Variants in GNA14 observed in about 807,000 individuals in gnomAD.
The protein encoded by GNA14 is G protein subunit alpha 14, also known as guanine nucleotide-binding protein subunit alpha-14.
Under a neutral mutation model 42.0 loss-of-function variants are expected in GNA14, and 50 were observed. The ratio of observed to expected loss-of-function variants is 1.19; its 90% confidence interval spans 0.95 to 1.51. The LOEUF is 1.51. Among genes scored for constraint, GNA14 ranks in the 40% most tolerant of loss-of-function variants. The pLI is 0.00. For synonymous variants in GNA14, 173 were observed against 163.1 expected (o/e 1.06, Z -0.46); for missense variants, 473 against 446.2 (o/e 1.06, Z -0.54).
At chr9:77,505,147 T>C (rs1837048187) in intron 2 of GNA14, among the ~76,000 whole-genome samples, 1 of 152,204 alleles carries the variant, frequency 6.6e-6, no homozygotes, top group African/African-American at 2.4e-5. Flanking sequence ...GGATACAGTT[T>C]AGTGGACAGA....
intron 1 of GNA14, among the ~76,000 whole-genome samples, chr9:77,532,003 T>A (rs533599280): frequency 7.9e-5 from 12 of 151,902 alleles, no homozygotes; most frequent in Non-Finnish European, 1.8e-4. Context: ...GAGGGCAGAG[T>A]AAAGGCAAAG....
intron 2 of GNA14, among the ~76,000 whole-genome samples, chr9:77,484,001 C>G (rs369290602): frequency 1.3e-5 from 2 of 152,302 alleles, no homozygotes; most frequent in African/African-American, 4.8e-5. Flanking sequence ...AGTCTAAGGG[C>G]AGAATAAGAC....
intron 3 of GNA14, 144 bp downstream of exon 3, chr9:77,434,224 G>A (rs1835604296): frequency 4.2e-6 from 3 of 706,686 alleles, no homozygotes; most frequent in Non-Finnish European, 7.1e-6. Flanking sequence ...GCACTAAGAG[G>A]TCAGGAGGGA....
At chr9:77,477,886 A>AC (rs564028726) in intron 2 of GNA14, among the ~76,000 whole-genome samples, 171 of 152,300 alleles carry the variant, frequency 1.1e-3, no homozygotes, top group African/African-American at 3.8e-3. Context: ...AAATTCCTTC[A>AC]ACAGAATAAA....
At chr9:77,550,646 A>T (rs1837776483) in intron 1 of GNA14, among the ~76,000 whole-genome samples, 1 of 152,240 alleles carries the variant, frequency 6.6e-6, no homozygotes, top group Non-Finnish European at 1.5e-5. Context: ...ACTAATTAAA[A>T]GTACATTTAA....
chr9:77,577,654 T>G (rs1361341965), intron 1 of GNA14, among the ~76,000 whole-genome samples: 2 of 152,186 alleles, frequency 1.3e-5, no homozygotes, highest in Admixed American at 1.3e-4. Flanking sequence ...ACTTCTGATA[T>G]TCCCCATCTG....
At position 77,647,703 on chromosome 9, in the gene GNA14, C is replaced by T; in HGVS notation, c.91G>A (p.Asp31Asn). The change falls in exon 1 of 7, where the codon GAC becomes AAC. Residue 31 changes from aspartate to asparagine, a missense_variant. By Grantham distance (23) the Asp-to-Asn change is conservative. Transcript: ENST00000341700. ...IERQLRRDKKDARRELKLLLL... is the reference protein window; with the variant it reads ...IERQLRRDKKNARRELKLLLL... ...AGCAGCTTAAGCTCACGGCGCGCGT[C>T]CTTCTTGTCCCGACGAAGCTGTCGC... 1 of 1,610,328 alleles carries T rather than the reference C, an allele frequency of 6.2e-7. No homozygotes were observed. Among genetic ancestry groups the T allele is most frequent in the Non-Finnish European group, 8.5e-7 (1 of 1,178,654 alleles).
intron 2 of GNA14, among the ~76,000 whole-genome samples, chr9:77,483,478 C>T (rs539507221): frequency 1.1e-3 from 165 of 152,190 alleles, no homozygotes; most frequent in African/African-American, 3.9e-3. Flanking sequence ...TCAGTCTGCC[C>T]GTAATAGGGG....
chr9:77,457,912 C>T (rs1339917244), intron 2 of GNA14, among the ~76,000 whole-genome samples: 1 of 151,004 alleles, frequency 6.6e-6, no homozygotes. Context: ...CTTGGTGTTT[C>T]ACTTTTTCCA....
chr9:77,618,735 G>A (rs1179523230), intron 1 of GNA14, among the ~76,000 whole-genome samples: 30 of 133,860 alleles, frequency 2.2e-4, no homozygotes, highest in African/African-American at 8.1e-4. Context: ...CCGGGTTCAC[G>A]CCATTCTCCT....
At chr9:77,597,348 G>A (rs1486378061) in intron 1 of GNA14, among the ~76,000 whole-genome samples, 1 of 152,084 alleles carries the variant, frequency 6.6e-6, no homozygotes, top group Non-Finnish European at 1.5e-5. Context: ...CTCATAGCCT[G>A]AGTCTCTGGA....
chr9:77,456,285 C>T (rs1199468187), intron 2 of GNA14: 1 of 152,214 alleles, frequency 6.6e-6, no homozygotes, highest in Non-Finnish European at 1.5e-5. Flanking sequence ...AATACATTTA[C>T]ATTTTAAAGG....
At chr9:77,425,369 A>G (rs889962981) in intron 6 of GNA14, among the ~76,000 whole-genome samples, 193 bp downstream of exon 6, 2 of 152,138 alleles carry the variant, frequency 1.3e-5, no homozygotes, top group Non-Finnish European at 2.9e-5. Flanking sequence ...CACTGAGGGA[A>G]GCACATGTGG....
At chr9:77,545,978 G>A (rs530948493) in intron 1 of GNA14, among the ~76,000 whole-genome samples, 5 of 152,130 alleles carry the variant, frequency 3.3e-5, no homozygotes, top group African/African-American at 1.2e-4. Flanking sequence ...CACTTCAGGA[G>A]GCCGAGGCAG....
intron 2 of GNA14, among the ~76,000 whole-genome samples, chr9:77,468,958 C>G (rs547528356): frequency 6.6e-6 from 1 of 152,336 alleles, no homozygotes; most frequent in South Asian, 2.1e-4. Context: ...TCAACACATG[C>G]AGCACATTTT....
chr9:77,636,557 A>T (rs1587856607), intron 1 of GNA14, among the ~76,000 whole-genome samples: 1 of 152,168 alleles, frequency 6.6e-6, no homozygotes, highest in East Asian at 1.9e-4. Context: ...AAAACTAGGC[A>T]TCTGCATCTG....
intron 1 of GNA14, among the ~76,000 whole-genome samples, chr9:77,646,817 T>C (rs1824360543): frequency 6.6e-6 from 1 of 152,256 alleles, no homozygotes. Flanking sequence ...CCTTGCCTCA[T>C]GGCATAACTT....
intron 1 of GNA14, among the ~76,000 whole-genome samples, chr9:77,633,533 A>C (rs1380753771): frequency 1.3e-5 from 2 of 152,154 alleles, no homozygotes; most frequent in Admixed American, 1.3e-4. Context: ...GAAAAACAAC[A>C]ATCCAATTTA....
At chr9:77,525,474 C>A (rs1050522360) in intron 2 of GNA14, among the ~76,000 whole-genome samples, 1 of 151,756 alleles carries the variant, frequency 6.6e-6, no homozygotes, top group Non-Finnish European at 1.5e-5. Flanking sequence ...ACGGGAGGTA[C>A]AATGGACTTG....
Sources: gnomAD v4.1 joint callset for allele counts (sites outside exome capture counted in the v4.1 genomes callset) on GRCh38, gnomAD v4.1.1 for gene constraint, MANE v1.5 for transcripts, NCBI Gene and HGNC (gene_info 2026-07-23, HGNC 2026-07-21) for gene names.